The following POLR2F variants were observed in gnomAD, a reference collection of about 807,000 sequenced individuals.
POLR2F encodes DNA-directed RNA polymerases I, II, and III subunit RPABC2.
In POLR2F, 12 loss-of-function variants were observed where a neutral mutation model predicts 22.7. The observed-to-expected ratio is 0.53, with a 90% CI of 0.34 to 0.86. The LOEUF (loss-of-function observed/expected upper bound fraction) is 0.86, where lower values mean the gene tolerates loss of function less well. Among genes scored for constraint, POLR2F ranks in the 40% least tolerant of loss-of-function variants. The pLI is 0.02. For synonymous variants in POLR2F, 57 were observed against 66.0 expected, an observed-to-expected ratio of 0.86 and a Z score of 0.66; for missense variants, 126 against 171.5, an observed-to-expected ratio of 0.73 and a Z score of 1.48.
chr22:38,035,276 G>A (rs1028937159), intron 5 of POLR2F, among the ~76,000 whole-genome samples: 1 of 152,182 alleles, frequency 6.6e-6, no homozygotes, highest in Non-Finnish European at 1.5e-5. Context: ...CGCCTCCGAG[G>A]CCTTTACATC....
intron 4 of POLR2F, among the ~76,000 whole-genome samples, chr22:37,979,775 T>C (rs1601883863): frequency 6.6e-6 from 1 of 151,948 alleles, no homozygotes; most frequent in South Asian, 2.1e-4. Flanking sequence ...CAGGATGGGG[T>C]ACCTTACAGA....
chr22:38,041,225 A>G (rs965848432), downstream of POLR2F: 6 of 1,472,670 alleles, frequency 4.1e-6, no homozygotes, highest in African/African-American at 7.0e-5. Context: ...GACACGGTCT[A>G]GACTGATGGA....
At chr22:37,959,032 C>T (rs1931516749) in intron 2 of POLR2F, among the ~76,000 whole-genome samples, 1 of 152,056 alleles carries the variant, frequency 6.6e-6, no homozygotes, top group Non-Finnish European at 1.5e-5. Context: ...ATTCTGATAC[C>T]ACCCCATCTC....
chr22:38,021,203 C>T (rs536518009), intron 1 of POLR2F, among the ~76,000 whole-genome samples: 11 of 152,294 alleles, frequency 7.2e-5, no homozygotes, highest in Admixed American at 7.2e-4. Context: ...AGTTGCTGAC[C>T]TTGAACCAAG....
chr22:37,973,813 C>T (rs771206415), downstream of POLR2F: 12 of 1,599,372 alleles, frequency 7.5e-6, no homozygotes, highest in Admixed American at 1.7e-5. Context: ...CCTGGGGCCC[C>T]GCGGTCTCTG....
chr22:38,027,335 G>A (rs530710046), downstream of POLR2F, among the ~76,000 whole-genome samples: 4 of 152,264 alleles, frequency 2.6e-5, no homozygotes, highest in African/African-American at 9.6e-5. Flanking sequence ...GGGAGGGGTT[G>A]CATGGACAAA....
intron 1 of POLR2F, among the ~76,000 whole-genome samples, chr22:38,005,616 G>A (rs565431710): frequency 2.0e-5 from 3 of 152,364 alleles, no homozygotes; most frequent in Admixed American, 6.5e-5. Context: ...AAGGCAGTTG[G>A]TGATAGATCG....
At chr22:37,983,770 C>T, upstream of POLR2F, 1 of 1,470,210 alleles carries the variant, frequency 6.8e-7, no homozygotes, top group East Asian at 2.9e-5. The surrounding 1 kb of genome is among the most constrained non-coding windows in gnomAD (Gnocchi z 9.5). Context: ...CCGATAGGTC[C>T]TGCTCCTCCG....
intron 2 of POLR2F, 54 bp from the exon 3 acceptor site, chr22:37,959,292 T>G: frequency 2.5e-6 from 4 of 1,596,410 alleles, no homozygotes; most frequent in Admixed American, 1.7e-5. Flanking sequence ...TCACTCTCCC[T>G]GTAACCCAAA....
At chr22:37,993,689 A>T (rs951527256) in intron 1 of POLR2F, among the ~76,000 whole-genome samples, 5 of 152,090 alleles carry the variant, frequency 3.3e-5, no homozygotes, top group Non-Finnish European at 5.9e-5. Context: ...GATACCTGCC[A>T]TGTCACAAGG....
rs1932579930 is a variant in POLR2F, at chr22:37,986,398, C to T, written c.120+86C>T. The T allele has an allele frequency of 6.5e-7, 1 of 1,530,774 alleles. No homozygotes were observed. The highest frequency in any genetic ancestry group is 8.7e-7 in the Non-Finnish European group (1 of 1,144,624). The allele number at this position is 1,530,774 out of a possible 1,614,324, so 94.8% of individuals were successfully genotyped here. A position where few individuals can be genotyped will look rare whatever the true frequency, so the allele number is the denominator to read the frequency against. On this transcript the variant is annotated intron_variant, in intron 1 of 2. Coordinates refer to the POLR2F transcript ENST00000333418. The surrounding 1 kb of genome is among the most constrained non-coding windows in gnomAD (Gnocchi z 4.7). ...GCTCTCTGCTGTGTCTGTGACTGGC[C>T]TGAGACCCGCCTGGGGCAGGAGGGG... is the stretch of plus-strand genomic sequence containing the variant.
At chr22:37,981,466 G>A (rs1046747405), upstream of POLR2F, among the ~76,000 whole-genome samples, 1 of 152,226 alleles carries the variant, frequency 6.6e-6, no homozygotes, top group Admixed American at 6.5e-5. Context: ...CACAGCTTGA[G>A]TGATGGCCAA....
In POLR2F at chr22:37,974,957, G is replaced by A. The variant is rs1033214575; in HGVS notation, c.293+7787G>A. Among the ~76,000 whole-genome samples the A allele has an allele frequency of 1.3e-5, 2 of 152,092 alleles. No individual in the cohort carries two copies. Among genetic ancestry groups the A allele is most frequent in the African/African-American group, 2.4e-5 (1 of 41,426 alleles). ...GCTCCCTGTCCTGGCCTCATGTTGTGTCCTTTCCAACCCTTCCCTCCTCCT... is the reference window on the plus strand; with the variant it reads ...GCTCCCTGTCCTGGCCTCATGTTGTATCCTTTCCAACCCTTCCCTCCTCCT... On this transcript the variant is annotated intron_variant, in intron 4 of 4. Coordinates refer to the POLR2F transcript ENST00000405557. This position sits in a 1 kb window ranked among gnomAD's most constrained non-coding sequence, Gnocchi z 5.4.
chr22:38,018,333 C>T (rs915286428), intron 1 of POLR2F, among the ~76,000 whole-genome samples: 9 of 152,182 alleles, frequency 5.9e-5, no homozygotes, highest in African/African-American at 1.4e-4. Flanking sequence ...ATAGGGTAAG[C>T]GTTCATTCTG....
At position 37,968,166 on chromosome 22, in the gene POLR2F, AG is replaced by A; in HGVS notation, c.*453del. 1.0e-6 allele frequency: 1 copy of A among 985,736 alleles called. No individual in the cohort carries two copies. 61.1% of individuals were successfully genotyped at this position (985,736 alleles called of 1,614,324 possible). ...TCATCAAGCCACCCATTGTTTCCTA[AG>A]GACCTGCTTCGAGCCTCTTATCGTG... On this transcript the variant is annotated 3_prime_UTR_variant, in exon 5 of 5. Coordinates refer to ENST00000442738, the MANE Select transcript of POLR2F (RefSeq NM_021974.5).
In POLR2F at chr22:38,010,100, C is replaced by T. The variant is rs964167183; in HGVS notation, c.121-15769C>T. Among the ~76,000 whole-genome samples, 8 of 152,110 alleles carry T rather than the reference C, an allele frequency of 5.3e-5. No homozygotes were observed. The East Asian group carries it at 5.8e-4, about 11-fold the overall frequency. On this transcript the variant is annotated intron_variant, in intron 1 of 2. Transcript: ENST00000333418. Reference sequence around the variant, plus strand: ...TTTTAAAGAAATGATCAAGTCTGGGCGTGGTGGCTTATGCCTGTAATCCCA... The same window carrying T: ...TTTTAAAGAAATGATCAAGTCTGGGTGTGGTGGCTTATGCCTGTAATCCCA...
rs766543477 is a variant in POLR2F, at chr22:37,953,805, C to T, written c.18C>T (p.Asp6=). 9.9e-6 allele frequency: 16 copies of T among 1,609,460 alleles called. No individual in the cohort carries two copies. Among genetic ancestry groups the T allele is most frequent in the Non-Finnish European group, 1.1e-5 (13 of 1,178,862 alleles). Reference sequence around the variant, plus strand: ...AGGGTGTCATGTCAGACAACGAGGACAAGTGAGTGCGGGAGCGGAGTGGCC... The same window carrying T: ...AGGGTGTCATGTCAGACAACGAGGATAAGTGAGTGCGGGAGCGGAGTGGCC... MSDNE[D]NFDGDDFDDV... The change falls in exon 1 of 5, where the codon GAC becomes GAT. Residue 6 remains aspartate (D), a splice_region_variant and synonymous_variant. Transcript: ENST00000442738.
intron 3 of POLR2F, among the ~76,000 whole-genome samples, chr22:37,961,350 C>A (rs1931634198): frequency 6.6e-6 from 1 of 152,134 alleles, no homozygotes; most frequent in Admixed American, 6.5e-5. Context: ...CATGAGCAAC[C>A]ATTCCTGGCT....
At chr22:37,958,852 C>G (rs932710152) in intron 2 of POLR2F, among the ~76,000 whole-genome samples, 1 of 152,210 alleles carries the variant, frequency 6.6e-6, no homozygotes, top group Admixed American at 6.5e-5. Flanking sequence ...CAATATCTGG[C>G]TCAGGACAAA....
Sources: gnomAD v4.1 joint callset for allele counts (sites outside exome capture counted in the v4.1 genomes callset) on GRCh38, gnomAD v4.1.1 for gene constraint, Gnocchi (gnomAD v3.1) non-coding constraint, MANE v1.5 for transcripts, NCBI Gene and HGNC (gene_info 2026-07-23, HGNC 2026-07-21) for gene names.